Variants in GNB1L observed in about 807,000 individuals in gnomAD.
GNB1L encodes the protein guanine nucleotide-binding protein subunit beta-like protein 1.
A neutral mutation model predicts 29.1 loss-of-function variants in GNB1L; 20 were observed. The observed-to-expected ratio is 0.69, with a 90% CI of 0.48 to 1.00. The LOEUF is 1.00. GNB1L is among the 50% of genes least tolerant of loss of function. The pLI is 0.00. For missense variants in GNB1L, 421 were observed against 464.9 expected, an observed-to-expected ratio of 0.91 and a Z score of 0.87; for synonymous variants, 193 against 206.5, an observed-to-expected ratio of 0.93 and a Z score of 0.56.
intron 2 of GNB1L, among the ~76,000 whole-genome samples, chr22:19,844,829 G>A (rs1297219468): frequency 1.3e-5 from 2 of 152,224 alleles, no homozygotes; most frequent in African/African-American, 4.8e-5. Flanking sequence ...GTGAACACAC[G>A]GAAAAGCTCA....
chr22:19,817,158 A>C (rs1937533047), intron 4 of GNB1L, among the ~76,000 whole-genome samples: 1 of 152,204 alleles, frequency 6.6e-6, no homozygotes, highest in Non-Finnish European at 1.5e-5. Flanking sequence ...GCAGACTTGA[A>C]TCAACTCCAT....
intron 2 of GNB1L, among the ~76,000 whole-genome samples, chr22:19,829,002 C>T (rs549210601): frequency 5.3e-5 from 8 of 151,962 alleles, no homozygotes; most frequent in African/African-American, 1.9e-4. Flanking sequence ...CGGCTAATTT[C>T]TGTATTTTTA....
At chr22:19,853,429 C>A (rs906268879) in intron 2 of GNB1L, among the ~76,000 whole-genome samples, 3 of 152,132 alleles carry the variant, frequency 2.0e-5, no homozygotes, top group African/African-American at 7.2e-5. Flanking sequence ...TTACACTCTG[C>A]AGCCTAACTC....
intron 7 of GNB1L, among the ~76,000 whole-genome samples, chr22:19,801,235 T>G (rs1392614379): frequency 6.6e-6 from 1 of 152,190 alleles, no homozygotes; most frequent in African/African-American, 2.4e-5. Flanking sequence ...CCAAGACTTC[T>G]GGTGAATGGG....
intron 5 of GNB1L, among the ~76,000 whole-genome samples, chr22:19,809,171 A>C (rs5993837): frequency 0.047 from 7,159 of 151,464 alleles, 411 homozygotes; most frequent in African/African-American, 0.13. Context: ...CCCCAAGACC[A>C]TAGCAAGCAG....
intron 4 of GNB1L, among the ~76,000 whole-genome samples, chr22:19,819,919 C>T (rs538355398): frequency 4.1e-4 from 63 of 152,248 alleles, no homozygotes; most frequent in African/African-American, 1.4e-3. Context: ...CCAAGCCCTG[C>T]GCCCCGCCCC....
At chr22:19,847,613 T>C (rs1277775559) in intron 2 of GNB1L, 1 of 972,236 alleles carries the variant, frequency 1.0e-6, no homozygotes, top group East Asian at 1.1e-4. Flanking sequence ...CATGTAGTGG[T>C]ACCGAACCAT....
At chr22:19,814,816 C>T (rs1203945035) in intron 4 of GNB1L, among the ~76,000 whole-genome samples, 31 of 152,102 alleles carry the variant, frequency 2.0e-4, no homozygotes, top group Non-Finnish European at 4.4e-4. Context: ...GAGGACTGCT[C>T]GAGCCCAGGA....
chr22:19,851,003 C>T, intron 2 of GNB1L: 5 of 1,415,824 alleles, frequency 3.5e-6, no homozygotes, highest in Non-Finnish European at 4.6e-6. Flanking sequence ...GTTGGGGGAG[C>T]TGGTTCTGCT....
In GNB1L at chr22:19,821,349, C is replaced by T. The variant is rs1937577719; in HGVS notation, c.7G>A (p.Ala3Thr). 1 of 1,612,058 alleles carries T rather than the reference C, an allele frequency of 6.2e-7. No individual in the cohort carries two copies. The highest frequency in any genetic ancestry group is 2.2e-5 in the East Asian group (1 of 44,870). Residue 3 changes from alanine to threonine, a missense_variant, in exon 3 of 8, where the codon GCC becomes ACC. Ala to Thr is a moderately conservative substitution (Grantham distance 58, BLOSUM62 0). Transcript: ENST00000329517. The stretch of plus-strand genomic sequence containing the variant: ...TCTGGAGGTGGCGGCGGGCAGGGGG[C>T]CGTCATGCTGGGCAGGATGCAGTTA... MT[A>T]PCPPPPPDPQ...
chr22:19,837,864 A>G (rs1198395713), intron 2 of GNB1L, among the ~76,000 whole-genome samples: 7 of 152,236 alleles, frequency 4.6e-5, no homozygotes, highest in Non-Finnish European at 8.8e-5. Context: ...AGCCAGAAAA[A>G]GAGAGTAAAT....
chr22:19,840,619 G>A (rs1937843893), intron 2 of GNB1L, among the ~76,000 whole-genome samples: 1 of 152,102 alleles, frequency 6.6e-6, no homozygotes, highest in Admixed American at 6.6e-5. Flanking sequence ...AGGCCAGCCT[G>A]GCCAACATGG....
chr22:19,792,931 G>C, intron 7 of GNB1L: 1 of 1,270,350 alleles, frequency 7.9e-7, no homozygotes, highest in Non-Finnish European at 1.1e-6. Context: ...GAAGACAAAG[G>C]CACTTTGGCT....
intron 2 of GNB1L, among the ~76,000 whole-genome samples, chr22:19,832,336 C>CA (rs1377740007): frequency 6.6e-6 from 1 of 152,052 alleles, no homozygotes; most frequent in Non-Finnish European, 1.5e-5. Context: ...TCCCACCCCC[C>CA]AAAAAATCCC....
chr22:19,814,539 C>G (rs1275876116), intron 4 of GNB1L, among the ~76,000 whole-genome samples: 1 of 152,226 alleles, frequency 6.6e-6, no homozygotes, highest in Non-Finnish European at 1.5e-5. Context: ...ACAGTGGAGT[C>G]AGGCAGACAC....
At chr22:19,792,437 A>G in intron 7 of GNB1L, 7 of 1,573,350 alleles carry the variant, frequency 4.4e-6, no homozygotes, top group Non-Finnish European at 6.0e-6. Context: ...TCCAGCCCAA[A>G]AGAGACCTCA....
intron 7 of GNB1L, among the ~76,000 whole-genome samples, chr22:19,795,448 C>T (rs1479162851): frequency 1.3e-5 from 2 of 152,178 alleles, no homozygotes; most frequent in African/African-American, 2.4e-5. Flanking sequence ...CCCACAACTG[C>T]GGAACACACG....
chr22:19,831,113 T>C (rs2145889358), intron 2 of GNB1L, among the ~76,000 whole-genome samples: 2 of 152,330 alleles, frequency 1.3e-5, no homozygotes, highest in South Asian at 4.1e-4. Context: ...ATACAACGCC[T>C]GTAATCCCAG....
At chr22:19,792,591 C>T (rs1937263647) in intron 7 of GNB1L, 4 of 1,597,190 alleles carry the variant, frequency 2.5e-6, no homozygotes, top group Non-Finnish European at 3.4e-6. Flanking sequence ...TAAGCTGGCC[C>T]ACAAGTACAG....
Sources: allele counts gnomAD v4.1 joint callset (sites outside exome capture counted in the v4.1 genomes callset), GRCh38; gene constraint gnomAD v4.1.1; transcripts MANE v1.5; gene names NCBI Gene and HGNC (gene_info 2026-07-23, HGNC 2026-07-21).